Variants in ACTB observed in about 807,000 individuals in gnomAD.
The protein encoded by ACTB is actin beta, also known as actin, cytoplasmic 1.
A neutral mutation model predicts 30.5 loss-of-function variants in ACTB; 2 were observed. The ratio of observed to expected loss-of-function variants is 0.07; its 90% confidence interval spans 0.03 to 0.21. The LOEUF is 0.21. Ranked by LOEUF, ACTB falls within the 10% of genes least tolerant of loss-of-function variation. The pLI, the probability that ACTB is intolerant of heterozygous loss-of-function variation, is 1.00. For missense variants in ACTB, 56 were observed against 530.0 expected, an observed-to-expected ratio of 0.11 and a Z score of 8.78; for synonymous variants, 335 against 217.6, an observed-to-expected ratio of 1.54 and a Z score of -4.75.
chr7:5,530,040 C>G (rs1222929534), intron 1 of ACTB: 7 of 156,278 alleles, frequency 4.5e-5, no homozygotes, highest in African/African-American at 1.7e-4. Flanking sequence ...CCGCCTTCGC[C>G]CCAGCCCAGG....
At chr7:5,529,830 G>A (rs770352644) in intron 1 of ACTB, 167 bp from the exon 2 acceptor site, 8 of 1,170,738 alleles carry the variant, frequency 6.8e-6, no homozygotes, top group East Asian at 2.6e-5. Flanking sequence ...ACTGGTCGGA[G>A]GCGTCCCCGC....
chr7:5,527,723 G>GT lies in ACTB; in HGVS notation c.*24dup. 6.2e-7 allele frequency: 1 copy of GT among 1,613,040 alleles called. No homozygotes were observed. The highest frequency in any genetic ancestry group is 1.1e-5 in the South Asian group (1 of 91,026). On this transcript the variant is annotated 3_prime_UTR_variant, in exon 6 of 6. Coordinates refer to ENST00000646664, the MANE Select transcript of ACTB (RefSeq NM_001101.5). The stretch of plus-strand genomic sequence containing the variant: ...AAGTTAGGTTTTGTCAAGAAAGGGT[G>GT]TAACGCAACTAAGTCATAGTCCGCC...
At chr7:5,529,753 C>A (rs1784844430) in intron 1 of ACTB, 90 bp from the exon 2 acceptor site, 2 of 1,585,300 alleles carry the variant, frequency 1.3e-6, no homozygotes, top group Non-Finnish European at 1.7e-6. Flanking sequence ...CCAGGGGGCG[C>A]CGGCGCGCGC....
rs372973178 is a variant in ACTB at position 5,528,261 on chromosome 7, G to A, written c.802+20C>T. ...GGTAACCCTCATGTCAGGCAGAGCC[G>A]GGAGACAGTCTCCACTCACCCAGGA... is the stretch of plus-strand genomic sequence containing the variant. On this transcript the variant is annotated intron_variant, in intron 4 of 5. Transcript: ENST00000646664. 36 of 1,613,618 alleles carry A rather than the reference G, an allele frequency of 2.2e-5. No individual in the cohort carries two copies. Among genetic ancestry groups the A allele is most frequent in the African/African-American group, 4.0e-5 (3 of 74,942 alleles).
intron 1 of ACTB, 33 bp from the exon 2 acceptor site, chr7:5,529,696 G>C (rs2908425): frequency 3.1e-6 from 5 of 1,610,268 alleles, no homozygotes; most frequent in South Asian, 1.1e-5. Context: ...TGTGAGCCGA[G>C]GTCGCCCCCG....
At position 5,528,575 on chromosome 7, in the gene ACTB, C is replaced by T; in HGVS notation, c.508G>A (p.Ala170Thr). The change falls in exon 4 of 6, where the codon GCC becomes ACC. Residue 170 changes from alanine to threonine, a missense_variant. By Grantham distance (58) the Ala-to-Thr change is moderately conservative. Around this residue, in one of 5 missense-constraint regions of ACTB, gnomAD observed 32 missense variants for 288.4 expected, o/e 0.11. Transcript: ENST00000646664. ...THTVPIYEGY[A>T]LPHAILRLDL... ...AGACGCAGGATGGCATGGGGGAGGG[C>T]ATACCCCTCGTAGATGGGCACAGTG... 6.2e-7 allele frequency: 1 copy of T among 1,614,002 alleles called. No homozygotes were observed. Among genetic ancestry groups the T allele is most frequent in the Non-Finnish European group, 8.5e-7 (1 of 1,180,034 alleles).
intron 1 of ACTB, 37 bp downstream of exon 1, chr7:5,530,487 C>G (rs1423849066): frequency 1.6e-5 from 1 of 64,238 alleles, no homozygotes; most frequent in South Asian, 3.9e-4. Flanking sequence ...GCGGCCGGGC[C>G]GTGAGCCGCC....
intron 3 of ACTB, 46 bp downstream of exon 3, chr7:5,529,115 C>CA (rs981220862): frequency 1.2e-6 from 2 of 1,613,560 alleles, no homozygotes; most frequent in Admixed American, 3.3e-5. Flanking sequence ...TCCGGGAGGC[C>CA]AGGAAGGAGG....
In ACTB at chr7:5,528,839, G is replaced by T. The variant is rs13447402; in HGVS notation, c.364-120C>A. On this transcript the variant is annotated intron_variant, in intron 3 of 5. Transcript: ENST00000646664. ...AAGTGTGCTGGGGTCTTGGGATGGG[G>T]AGTCTGTTCAGACCTACTGTGCACC... is the stretch of plus-strand genomic sequence containing the variant. The T allele has an allele frequency of 6.2e-5, 89 of 1,436,870 alleles. No homozygotes were observed. In the East Asian group the frequency reaches 1.1e-3, roughly 18 times the overall value. The allele number at this position is 1,436,870 out of a possible 1,614,324, so 89.0% of individuals were successfully genotyped here. A position where few individuals can be genotyped will look rare whatever the true frequency, so the allele number is the denominator to read the frequency against.
At position 5,528,422 on chromosome 7, in the gene ACTB, G is replaced by A. The variant is rs1784811701; in HGVS notation, c.661C>T (p.Leu221=). The A allele has an allele frequency of 7.4e-6, 12 of 1,614,000 alleles. No individual in the cohort carries two copies. Among genetic ancestry groups the A allele is most frequent in the African/African-American group, 1.3e-5 (1 of 74,938 alleles). Residue 221 remains leucine, a synonymous_variant, in exon 4 of 6, where the codon CTG becomes TTG. Transcript: ENST00000646664. The part of the protein sequence containing the change: ...DIKEKLCYVA[L]DFEQEMATAA... ...GTGGCCATCTCTTGCTCGAAGTCCA[G>A]GGCGACGTAGCACAGCTTCTCCTTA...
At chr7:5,529,760 G>A (rs771559144) in intron 1 of ACTB, 97 bp from the exon 2 acceptor site, 3 of 1,578,128 alleles carry the variant, frequency 1.9e-6, no homozygotes, top group African/African-American at 2.7e-5. Flanking sequence ...GCGCCGGCGC[G>A]CGCCCAGATT....
In ACTB at chr7:5,529,099, C is replaced by A. The variant is rs564566763; in HGVS notation, c.363+62G>T. The A allele has an allele frequency of 7.2e-5, 116 of 1,613,462 alleles. 1 individual carries two copies. In the Admixed American group the frequency reaches 1.8e-3, roughly 24 times the overall value. ...AGAAGAGAGAACCAGTGAGAAAGGG[C>A]GCAGCTCCGGGAGGCCAGGAAGGAG... On this transcript the variant is annotated intron_variant, in intron 3 of 5. Transcript: ENST00000646664.
At chr7:5,529,770 T>G (rs752279591) in intron 1 of ACTB, 107 bp from the exon 2 acceptor site, 5 of 1,558,246 alleles carry the variant, frequency 3.2e-6, no homozygotes, top group Non-Finnish European at 4.4e-6. Flanking sequence ...GCGCCCAGAT[T>G]GGGGACAAAG....
At position 5,528,757 on chromosome 7, in the gene ACTB, C is replaced by T. The variant is rs13447404; in HGVS notation, c.364-38G>A. 2.5e-6 allele frequency: 4 copies of T among 1,607,054 alleles called. No individual in the cohort carries two copies. The East Asian group carries it at 8.9e-5, about 36-fold the overall frequency. ...GATACACCATGTCACACTGGGGAAGCCACTGGGGACAGCCAGGCCAGACGG... is the reference window on the plus strand; with the variant it reads ...GATACACCATGTCACACTGGGGAAGTCACTGGGGACAGCCAGGCCAGACGG... On this transcript the variant is annotated intron_variant, in intron 3 of 5. Coordinates refer to ENST00000646664, the MANE Select transcript of ACTB (RefSeq NM_001101.5).
Position 5,527,850 on chromosome 7 carries a change from G to A in ACTB, c.1026C>T (p.Gly342=), listed in dbSNP as rs780969261. The A allele has an allele frequency of 8.7e-5, 140 of 1,612,940 alleles. No homozygotes were observed. The highest frequency in any genetic ancestry group is 1.1e-4 in the Non-Finnish European group (130 of 1,179,660). Residue 342 remains glycine, a synonymous_variant, in exon 6 of 6, where the codon GGC becomes GGT. Coordinates refer to ENST00000646664, the MANE Select transcript of ACTB (RefSeq NM_001101.5). The part of the protein sequence containing the change: ...PPERKYSVWI[G]GSILASLSTF... ...TGGACAGCGAGGCCAGGATGGAGCC[G>A]CCGATCCACACGGAGTACTTGCGCT...
chr7:5,528,980 A>G, intron 3 of ACTB, 181 bp downstream of exon 3: 1 of 1,578,104 alleles, frequency 6.3e-7, no homozygotes, highest in South Asian at 1.1e-5. Context: ...AGAGACAAAC[A>G]CCAGAAAAAG....
rs1386877155 is a variant in ACTB, at chr7:5,530,572, T to C, written c.-55A>G. On this transcript the variant is annotated 5_prime_UTR_variant, in exon 1 of 6. Coordinates refer to ENST00000646664, the MANE Select transcript of ACTB (RefSeq NM_001101.5). The stretch of plus-strand genomic sequence containing the variant: ...GCGGATCGGCAAAGGCGAGGCTCTG[T>C]GCTCGCGGGGCGGACGCGGTCTCGG... 1.3e-5 allele frequency: 2 copies of C among 152,250 alleles called. No homozygotes were observed. Among genetic ancestry groups the C allele is most frequent in the Non-Finnish European group, 2.9e-5 (2 of 68,326 alleles). The allele number at this position is 152,250 out of a possible 1,614,324, so 9.4% of individuals were successfully genotyped here.
chr7:5,529,504 C>A, intron 2 of ACTB, 31 bp downstream of exon 2: 1 of 1,611,914 alleles, frequency 6.2e-7, no homozygotes, highest in Non-Finnish European at 8.5e-7. Flanking sequence ...CGCCCGCTCC[C>A]GGGGCTGCCC....
rs1345921149 is a variant in ACTB at position 5,527,343 on chromosome 7, TA to T, written c.*404del. ...AATAAAAAAGTATTAAGGCGAAGATTAAAAAAATTTTGCATTACATAATTTA... is the reference window on the plus strand; with the variant it reads ...AATAAAAAAGTATTAAGGCGAAGATTAAAAAATTTTGCATTACATAATTTA... On this transcript the variant is annotated 3_prime_UTR_variant, in exon 6 of 6. Transcript: ENST00000646664. 3 of 262,404 alleles carry T rather than the reference TA, an allele frequency of 1.1e-5. No individual in the cohort carries two copies. Among genetic ancestry groups the T allele is most frequent in the East Asian group, 2.2e-4 (2 of 9,150 alleles). The allele number at this position is 262,404 out of a possible 1,614,324, so 16.3% of individuals were successfully genotyped here. A position where few individuals can be genotyped will look rare whatever the true frequency, so the allele number is the denominator to read the frequency against.
Sources: gnomAD v4.1 joint callset for allele counts on GRCh38, gnomAD v4.1.1 for gene constraint, gnomAD v4.1.1 regional missense constraint, MANE v1.5 for transcripts, NCBI Gene and HGNC (gene_info 2026-07-23, HGNC 2026-07-21) for gene names.